The following PCDH15 variants were observed in gnomAD, a reference collection of about 807,000 sequenced individuals.
PCDH15 encodes the protein protocadherin related 15.
PCDH15 carries 129 observed loss-of-function variants against 178.5 expected under a neutral mutation model. That is an observed-to-expected ratio of 0.72 (90% CI 0.63 to 0.84). The LOEUF (loss-of-function observed/expected upper bound fraction) is 0.84, where lower values mean the gene tolerates loss of function less well. PCDH15 is among the 40% of genes least tolerant of loss of function. The pLI, the probability that PCDH15 is intolerant of heterozygous loss-of-function variation, is 0.00. For synonymous variants in PCDH15, 800 were observed against 732.0 expected (o/e 1.09, Z -1.50); for missense variants, 2,230 against 2,099.9 (o/e 1.06, Z -1.21).
intron 1 of PCDH15, among the ~76,000 whole-genome samples, chr10:54,691,943 C>A (rs990843936): frequency 6.6e-6 from 1 of 152,116 alleles, no homozygotes; most frequent in Admixed American, 6.5e-5. Context: ...CCAAGTAATA[C>A]TTTGGCCACT....
intron 1 of PCDH15, among the ~76,000 whole-genome samples, chr10:54,692,198 T>C (rs2095134828): frequency 6.6e-6 from 1 of 152,180 alleles, no homozygotes; most frequent in Non-Finnish European, 1.5e-5. Context: ...AGTTCATTTA[T>C]CATTTAGATC....
At chr10:54,717,438 A>C (rs1459475522) in intron 1 of PCDH15, among the ~76,000 whole-genome samples, 5 of 144,052 alleles carry the variant, frequency 3.5e-5, no homozygotes. Flanking sequence ...ACCCCATCAA[A>C]AAGTGGGCAA....
intron 2 of PCDH15, among the ~76,000 whole-genome samples, chr10:55,626,175 AAAT>A (rs911918075): frequency 6.7e-6 from 1 of 149,856 alleles, no homozygotes; most frequent in African/African-American, 2.5e-5. Flanking sequence ...ATAAATAAAT[AAAT>A]AAATAAAATA....
chr10:55,153,686 T>C (rs999680643), intron 2 of PCDH15, among the ~76,000 whole-genome samples: 2 of 152,244 alleles, frequency 1.3e-5, no homozygotes, highest in Middle Eastern at 3.4e-3. Context: ...CATCAAATAC[T>C]GCTCCTTTTT....
At chr10:54,050,946 G>T (rs1461374506) in intron 18 of PCDH15, among the ~76,000 whole-genome samples, 1 of 152,100 alleles carries the variant, frequency 6.6e-6, no homozygotes, top group Non-Finnish European at 1.5e-5. Context: ...GTTCTCAAAA[G>T]ATCTGATGTT....
intron 10 of PCDH15, among the ~76,000 whole-genome samples, chr10:54,202,783 G>A (rs2133992847): frequency 7.3e-6 from 1 of 137,580 alleles, no homozygotes; most frequent in African/African-American, 2.6e-5. Context: ...CTACATTCCA[G>A]CCTGAGCAAC....
chr10:54,023,145 T>G lies in PCDH15; in HGVS notation c.2273A>C (p.Asn758Thr). Residue 758 changes from asparagine to threonine, a missense_variant, in exon 19 of 38, where the codon AAC (asparagine) becomes ACC (threonine). Asn to Thr is a moderately conservative substitution (Grantham distance 65, BLOSUM62 0). Transcript: ENST00000644397. ...TGTGATACGAAAAAGATTATTAAAG[T>G]TACCCAAACTGTAGTGCACTTGACC... is the stretch of plus-strand genomic sequence containing the variant. Reference protein sequence around the residue: ...INGQVHYSLGNFNNLFRITSN... With the variant: ...INGQVHYSLGTFNNLFRITSN... 6.2e-7 allele frequency: 1 copy of G among 1,613,852 alleles called. No individual in the cohort carries two copies. Among genetic ancestry groups the G allele is most frequent in the Non-Finnish European group, 8.5e-7 (1 of 1,179,886 alleles).
At chr10:55,559,255 TA>T (rs1021197349) in intron 2 of PCDH15, among the ~76,000 whole-genome samples, 17 of 152,044 alleles carry the variant, frequency 1.1e-4, no homozygotes, top group African/African-American at 2.4e-4. Context: ...AAATTAATAA[TA>T]AAAAATATCA....
chr10:54,712,057 CGTA>C (rs1288492627), intron 1 of PCDH15, among the ~76,000 whole-genome samples: 3 of 151,714 alleles, frequency 2.0e-5, no homozygotes, highest in Non-Finnish European at 4.4e-5. Flanking sequence ...CTCGTATATA[CGTA>C]GTAGTGTAAT....
intron 28 of PCDH15, among the ~76,000 whole-genome samples, chr10:53,851,346 G>A (rs906058170): frequency 5.3e-5 from 8 of 151,228 alleles, no homozygotes; most frequent in East Asian, 3.9e-4. Flanking sequence ...TTATGCAATC[G>A]AATAGAAGCT....
intron 26 of PCDH15, among the ~76,000 whole-genome samples, chr10:53,871,769 T>TG (rs1564650835): frequency 1.5e-4 from 22 of 151,614 alleles, no homozygotes; most frequent in African/African-American, 5.1e-4. Flanking sequence ...TGTTTTGTTT[T>TG]TGAGATGGAG....
chr10:54,716,572 G>A (rs1321968983), intron 1 of PCDH15, among the ~76,000 whole-genome samples: 1 of 151,942 alleles, frequency 6.6e-6, no homozygotes, highest in African/African-American at 2.4e-5. Context: ...GTCTGTTATT[G>A]ATATATAAGA....
At chr10:55,428,962 A>G (rs1321380673) in intron 2 of PCDH15, among the ~76,000 whole-genome samples, 1 of 151,938 alleles carries the variant, frequency 6.6e-6, no homozygotes, top group Non-Finnish European at 1.5e-5. Flanking sequence ...ACATTCTACC[A>G]CTTTACAATG....
chr10:54,247,965 T>TATATATAA lies in PCDH15; in HGVS notation c.877-11035_877-11034insTTATATAT, dbSNP rs1219174871. On this transcript the variant is annotated intron_variant, in intron 8 of 37. Coordinates refer to ENST00000644397, the MANE Select transcript of PCDH15 (RefSeq NM_001384140.1). ...ATATATATATATATATATATACACA[T>TATATATAA]ACAGTAAATGACATTCTTAATATGT... Among the ~76,000 whole-genome samples the TATATATAA allele has an allele frequency of 4.8e-4, 67 of 140,804 alleles. 1 individual carries two copies. Among genetic ancestry groups the TATATATAA allele is most frequent in the African/African-American group, 5.3e-4 (19 of 36,124 alleles). 92.4% of individuals were successfully genotyped at this position (140,804 alleles called of 152,430 possible).
chr10:54,306,323 C>T (rs774224592), intron 8 of PCDH15, among the ~76,000 whole-genome samples: 10 of 151,844 alleles, frequency 6.6e-5, no homozygotes, highest in South Asian at 6.2e-4. Flanking sequence ...AAAATGTGTG[C>T]GTATGTATGT....
At position 53,807,107 on chromosome 10, in the gene PCDH15, C is replaced by T. The variant is rs763083069; in HGVS notation, c.4695G>A (p.Lys1565=). The change falls in exon 38 of 38, where the codon AAG becomes AAA. Residue 1565 remains lysine, a synonymous_variant. Transcript: ENST00000644397. ...EEEWARKRMI[K]LVVDREYETS... ...TTTCATACTCTCGATCAACAACTAACTTGATCATTCTTTTTCTTGCCCACT... is the reference window on the plus strand; with the variant it reads ...TTTCATACTCTCGATCAACAACTAATTTGATCATTCTTTTTCTTGCCCACT... The T allele has an allele frequency of 6.2e-7, 1 of 1,601,022 alleles. No homozygotes were observed. The highest frequency in any genetic ancestry group is 1.1e-5 in the South Asian group (1 of 88,846).
chr10:54,143,391 T>C (rs905781602), intron 14 of PCDH15, among the ~76,000 whole-genome samples: 4 of 152,170 alleles, frequency 2.6e-5, no homozygotes, highest in Non-Finnish European at 5.9e-5. Flanking sequence ...TCTACAATTA[T>C]TGTTTTGCTT....
chr10:54,657,265 T>A (rs959608903), intron 2 of PCDH15, among the ~76,000 whole-genome samples: 1 of 152,002 alleles, frequency 6.6e-6, no homozygotes, highest in East Asian at 1.9e-4. Context: ...ATCACATTCC[T>A]GTCTGCCCAG....
chr10:54,527,809 T>C lies in PCDH15; in HGVS notation c.157+3A>G, dbSNP rs41274636. 0.084 allele frequency: 134,338 copies of C among 1,603,330 alleles called. 5,925 individuals carry two copies. Among genetic ancestry groups the C allele is most frequent in the African/African-American group, 0.14 (10,385 of 74,650 alleles). ...ACATTTGTAAAATAAAAAACTCACT[T>C]ACCATTCCGACTTTCTTCATCAATA... On this transcript the variant is annotated splice_donor_region_variant and intron_variant, in intron 3 of 37. Transcript: ENST00000644397.
Sources: gnomAD v4.1 joint callset for allele counts (sites outside exome capture counted in the v4.1 genomes callset) on GRCh38, gnomAD v4.1.1 for gene constraint, MANE v1.5 for transcripts, NCBI Gene and HGNC (gene_info 2026-07-23, HGNC 2026-07-21) for gene names.